The following MARCHF1 variants were observed in gnomAD, a reference collection of about 807,000 sequenced individuals.
MARCHF1 encodes the protein E3 ubiquitin-protein ligase MARCHF1.
MARCHF1 carries 40 observed loss-of-function variants against 54.2 expected under a neutral mutation model. The observed-to-expected ratio is 0.74, with a 90% confidence interval of 0.57 to 0.96. The LOEUF (loss-of-function observed/expected upper bound fraction) is 0.96. Among genes scored for constraint, MARCHF1 ranks in the 40% least tolerant of loss-of-function variants. The pLI is 0.00. For synonymous variants in MARCHF1, 236 were observed against 236.3 expected (o/e 1.00, Z 0.01); for missense variants, 586 against 656.5 (o/e 0.89, Z 1.17).
chr4:163,578,984 G>A lies in MARCHF1; in HGVS notation c.1191+6765C>T, dbSNP rs111726489. Among the ~76,000 whole-genome samples, 68 of 152,220 alleles carry A rather than the reference G, an allele frequency of 4.5e-4. 1 individual carries two copies. The highest frequency in any genetic ancestry group is 1.4e-3 in the African/African-American group (59 of 41,554). ...TGACTAGAGGGAGAACTATGTTTAC[G>A]GATGGATGCTTCCCAAAAGAATAAG... On this transcript the variant is annotated intron_variant, in intron 8 of 9. Transcript: ENST00000514618.
At chr4:164,351,516 C>T (rs181565276) in intron 1 of MARCHF1, among the ~76,000 whole-genome samples, 3,735 of 152,008 alleles carry the variant, frequency 0.025, 75 homozygotes, top group Non-Finnish European at 0.038. Context: ...ACACCTCACA[C>T]GGCAGGGTAT....
chr4:164,253,685 T>C (rs1579663249), intron 1 of MARCHF1, among the ~76,000 whole-genome samples: 1 of 152,258 alleles, frequency 6.6e-6, no homozygotes, highest in Middle Eastern at 3.4e-3. Context: ...ACATTGATTC[T>C]AGAGAAATGA....
At chr4:163,614,946 G>T (rs139038938) in intron 5 of MARCHF1, among the ~76,000 whole-genome samples, 340 of 152,196 alleles carry the variant, frequency 2.2e-3, no homozygotes, top group African/African-American at 7.7e-3. Flanking sequence ...CCTGAGGAAG[G>T]TGGCATGGGG....
chr4:164,259,544 CAAAAAAA>C (rs141030578), intron 1 of MARCHF1, among the ~76,000 whole-genome samples: 9 of 58,960 alleles, frequency 1.5e-4, no homozygotes, highest in East Asian at 5.7e-4. Context: ...GACCGTGTCT[CAAAAAAA>C]AAAAAAAAAA....
chr4:163,682,272 G>A (rs1356137145), intron 5 of MARCHF1, among the ~76,000 whole-genome samples: 3 of 152,160 alleles, frequency 2.0e-5, no homozygotes, highest in Admixed American at 6.5e-5. Context: ...ATGAAAGTTT[G>A]GAAAATTTGC....
At position 164,378,667 on chromosome 4, in the gene MARCHF1, T is replaced by C. The variant is rs148757882; in HGVS notation, c.-323+5203A>G. ...CCGTATCTGTCTAGCAGAGGAAATG[T>C]TGATACTTCTTTGGGGATGTATAGA... On this transcript the variant is annotated intron_variant, in intron 1 of 9. Coordinates refer to ENST00000514618, the MANE Select transcript of MARCHF1 (RefSeq NM_001394959.1). Among the ~76,000 whole-genome samples the C allele has an allele frequency of 3.3e-3, 504 of 152,352 alleles. 4 individuals are homozygous for C. The highest frequency in any genetic ancestry group is 0.012 in the African/African-American group (484 of 41,584).
intron 1 of MARCHF1, among the ~76,000 whole-genome samples, chr4:164,206,941 AT>A (rs1037583109): frequency 3.8e-4 from 58 of 152,176 alleles, no homozygotes; most frequent in African/African-American, 1.3e-3. Context: ...TACTAAAAAA[AT>A]TGTATTAATT....
chr4:164,299,941 A>G (rs138307248), intron 1 of MARCHF1, among the ~76,000 whole-genome samples: 14 of 152,334 alleles, frequency 9.2e-5, no homozygotes, highest in African/African-American at 2.9e-4. Context: ...AATTTGTGGT[A>G]GAATTCACTA....
At chr4:163,903,592 A>C (rs1345497510) in intron 3 of MARCHF1, among the ~76,000 whole-genome samples, 1 of 149,540 alleles carries the variant, frequency 6.7e-6, no homozygotes, top group African/African-American at 2.5e-5. Flanking sequence ...CATAAATTTT[A>C]TTTTTTCTTT....
At chr4:163,962,273 T>A (rs1752358122) in intron 3 of MARCHF1, among the ~76,000 whole-genome samples, 1 of 151,862 alleles carries the variant, frequency 6.6e-6, no homozygotes, top group Admixed American at 6.6e-5. Context: ...CTGACATCAT[T>A]TGGGACCAGA....
At chr4:163,766,748 T>C (rs1283989996) in intron 4 of MARCHF1, among the ~76,000 whole-genome samples, 1 of 152,190 alleles carries the variant, frequency 6.6e-6, no homozygotes, top group African/African-American at 2.4e-5. Flanking sequence ...AAACATTTGC[T>C]TCATTTTTTA....
chr4:164,193,536 A>G (rs555348754), intron 1 of MARCHF1, among the ~76,000 whole-genome samples: 20 of 152,228 alleles, frequency 1.3e-4, no homozygotes, highest in African/African-American at 4.8e-4. Flanking sequence ...TCCAGTAAGA[A>G]TGCCTCTTTC....
At chr4:163,662,348 TTA>T (rs1336072909) in intron 5 of MARCHF1, among the ~76,000 whole-genome samples, 31 of 152,028 alleles carry the variant, frequency 2.0e-4, no homozygotes, top group African/African-American at 7.5e-4. Context: ...GGAACTCTTA[TTA>T]TTTGGATGCT....
In MARCHF1 at chr4:164,344,390, A is replaced by C. The variant is rs566928466; in HGVS notation, c.-323+39480T>G. On this transcript the variant is annotated intron_variant, in intron 1 of 9. Coordinates refer to ENST00000514618, the MANE Select transcript of MARCHF1 (RefSeq NM_001394959.1). ...GAACCTAAAATAAAAGTTAAAAAAT[A>C]AGTCTGTTTATTGATCAGTATTTCC... is the stretch of plus-strand genomic sequence containing the variant. Among the ~76,000 whole-genome samples the C allele has an allele frequency of 2.0e-5, 3 of 152,300 alleles. No homozygotes were observed. The South Asian group carries it at 6.2e-4, about 32-fold the overall frequency.
chr4:163,877,609 C>T (rs988700800), intron 3 of MARCHF1, among the ~76,000 whole-genome samples: 1 of 152,086 alleles, frequency 6.6e-6, no homozygotes, highest in Non-Finnish European at 1.5e-5. Context: ...ATCTCCAAAT[C>T]CCCATTCAAC....
intron 2 of MARCHF1, among the ~76,000 whole-genome samples, chr4:164,015,464 C>T (rs907010920): frequency 1.3e-5 from 2 of 152,048 alleles, no homozygotes; most frequent in African/African-American, 4.8e-5. Context: ...GAGATCACAT[C>T]AAGCTAAAAA....
intron 5 of MARCHF1, among the ~76,000 whole-genome samples, chr4:163,696,550 T>C (rs1382417403): frequency 6.6e-6 from 1 of 152,150 alleles, no homozygotes; most frequent in African/African-American, 2.4e-5. Context: ...GTCAAACTCA[T>C]TGAGCTTGAC....
At chr4:164,373,442 C>T (rs1731096873) in intron 1 of MARCHF1, among the ~76,000 whole-genome samples, 1 of 147,908 alleles carries the variant, frequency 6.8e-6, no homozygotes, top group East Asian at 2.0e-4. Flanking sequence ...GCTATCTCCA[C>T]CTCCCAGGTT....
intron 1 of MARCHF1, among the ~76,000 whole-genome samples, chr4:164,269,259 CTGTT>C (rs778011215): frequency 3.9e-5 from 6 of 152,144 alleles, no homozygotes; most frequent in Non-Finnish European, 5.9e-5. Flanking sequence ...CCAGCACACT[CTGTT>C]TGTCCAGCTT....
Sources: gnomAD v4.1 joint callset for allele counts (sites outside exome capture counted in the v4.1 genomes callset) on GRCh38, gnomAD v4.1.1 for gene constraint, MANE v1.5 for transcripts, NCBI Gene and HGNC (gene_info 2026-07-23, HGNC 2026-07-21) for gene names.